The following DOCK9 variants were observed in gnomAD, a reference collection of about 807,000 sequenced individuals.
The protein encoded by DOCK9 is dedicator of cytokinesis protein 9.
A neutral mutation model predicts 263.3 loss-of-function variants in DOCK9; 89 were observed. The observed-to-expected ratio is 0.34, with a 90% CI of 0.28 to 0.40. DOCK9 has a LOEUF of 0.40. DOCK9 is among the 10% of genes least tolerant of loss of function. DOCK9 has a pLI of 1.00. For missense variants in DOCK9, 2,140 were observed against 2,603.4 expected, an observed-to-expected ratio of 0.82 and a Z score of 3.87; for synonymous variants, 976 against 973.1, an observed-to-expected ratio of 1.00 and a Z score of -0.06.
At chr13:98,926,585 C>T (rs540797284) in intron 3 of DOCK9, among the ~76,000 whole-genome samples, 129 of 152,336 alleles carry the variant, frequency 8.5e-4, no homozygotes, top group African/African-American at 2.6e-3. Context: ...AATGGGCCAG[C>T]CTGGTGTCCG....
intron 7 of DOCK9, among the ~76,000 whole-genome samples, chr13:98,917,691 G>C (rs1266523892): frequency 8.2e-6 from 1 of 122,012 alleles, no homozygotes; most frequent in South Asian, 2.6e-4. Context: ...GTGGTATTTT[G>C]TTTGTTTGCT....
At chr13:99,020,882 T>C (rs958029134) in intron 1 of DOCK9, among the ~76,000 whole-genome samples, 3 of 152,228 alleles carry the variant, frequency 2.0e-5, no homozygotes, top group African/African-American at 7.2e-5. Flanking sequence ...ACCTCATACA[T>C]GATACAGCAC....
rs147457288 is a variant in DOCK9 at position 99,066,318 on chromosome 13, T to G, written c.129+19905A>C. 3.7e-3 allele frequency among the ~76,000 whole-genome samples: 562 copies of G among 151,692 alleles called. 4 individuals are homozygous for G. Among genetic ancestry groups the G allele is most frequent in the African/African-American group, 0.013 (529 of 41,384 alleles). Reference sequence around the variant, plus strand: ...CACTAAAACCCAAGGAATGGTGCCATGCAAATTTGTGTTCTATGGAGCTTA... The same window carrying G: ...CACTAAAACCCAAGGAATGGTGCCAGGCAAATTTGTGTTCTATGGAGCTTA... On this transcript the variant is annotated intron_variant, in intron 1 of 32. Coordinates refer to the DOCK9 transcript ENST00000427887.
At chr13:99,032,901 A>G (rs1045043843) in intron 1 of DOCK9, among the ~76,000 whole-genome samples, 2 of 152,244 alleles carry the variant, frequency 1.3e-5, no homozygotes, top group Admixed American at 1.3e-4. Context: ...GTGAGGTTAC[A>G]CATTCCCATA....
chr13:98,800,545 T>C (rs2089999075), intron 49 of DOCK9, 67 bp from the exon 50 acceptor site: 2 of 1,526,566 alleles, frequency 1.3e-6, no homozygotes, highest in Admixed American at 2.0e-5. Context: ...GAGCTGATTA[T>C]TATTAGAAGT....
At chr13:99,015,314 C>A in intron 1 of DOCK9, 4 of 690,910 alleles carry the variant, frequency 5.8e-6, no homozygotes, top group Non-Finnish European at 8.5e-6. Context: ...AACTTAAGGC[C>A]ACTAATTACC....
chr13:99,079,094 T>C lies in DOCK9; in HGVS notation c.129+7129A>G, dbSNP rs1473115190. Among the ~76,000 whole-genome samples, 3 of 152,364 alleles carry C rather than the reference T, an allele frequency of 2.0e-5. No homozygotes were observed. In the East Asian group the frequency reaches 5.8e-4, roughly 29 times the overall value. Reference sequence around the variant, plus strand: ...TCATTCTTATCAAACCTACATTCCATACTGTACAGTACAGCTTATGTCCAT... The same window carrying C: ...TCATTCTTATCAAACCTACATTCCACACTGTACAGTACAGCTTATGTCCAT... On this transcript the variant is annotated intron_variant, in intron 1 of 32. Transcript: ENST00000427887.
At chr13:99,018,228 G>A (rs1350579411) in intron 1 of DOCK9, among the ~76,000 whole-genome samples, 1 of 152,210 alleles carries the variant, frequency 6.6e-6, no homozygotes, top group East Asian at 1.9e-4. Flanking sequence ...TTCCAGTAGT[G>A]ATTAGGGCAG....
upstream of DOCK9, among the ~76,000 whole-genome samples, chr13:98,979,233 A>AGTG (rs1555439543): frequency 1.6e-4 from 19 of 122,342 alleles, no homozygotes; most frequent in African/African-American, 5.7e-4. Context: ...TAGTAGTAGC[A>AGTG]GCAGCGGCGG....
chr13:98,906,729 A>G (rs551908683), intron 9 of DOCK9, among the ~76,000 whole-genome samples: 1 of 152,326 alleles, frequency 6.6e-6, no homozygotes, highest in South Asian at 2.1e-4. Flanking sequence ...CGATTGTTGT[A>G]TATAATAGGT....
At chr13:98,966,519 T>C (rs567022002) in intron 1 of DOCK9, among the ~76,000 whole-genome samples, 2 of 152,276 alleles carry the variant, frequency 1.3e-5, no homozygotes, top group Non-Finnish European at 2.9e-5. Context: ...GGCATTTTTC[T>C]TCCTTTTTTA....
intron 1 of DOCK9, among the ~76,000 whole-genome samples, chr13:99,068,876 A>G (rs2041548524): frequency 6.6e-6 from 1 of 152,218 alleles, no homozygotes; most frequent in Admixed American, 6.5e-5. Context: ...CTACTATACT[A>G]TAAATATTAT....
chr13:98,855,211 A>G (rs952381201), intron 34 of DOCK9, among the ~76,000 whole-genome samples: 3 of 152,190 alleles, frequency 2.0e-5, no homozygotes, highest in Admixed American at 1.3e-4. Flanking sequence ...TATTCTCTGG[A>G]GCTGGCTTCA....
At chr13:98,897,865 C>T (rs1266808221) in intron 14 of DOCK9, among the ~76,000 whole-genome samples, 5 of 152,178 alleles carry the variant, frequency 3.3e-5, no homozygotes. Context: ...CAAGTAGAGT[C>T]AAGAGATAAA....
chr13:98,860,291 G>A, intron 33 of DOCK9, 114 bp downstream of exon 33: 1 of 1,497,520 alleles, frequency 6.7e-7, no homozygotes, highest in Admixed American at 2.2e-5. Context: ...ACTCAGGAAA[G>A]CAACTTAGAC....
chr13:98,867,816 A>G lies in DOCK9; in HGVS notation c.3174+112T>C, dbSNP rs2094074839. On this transcript the variant is annotated intron_variant, in intron 29 of 52. Coordinates refer to ENST00000682017, the MANE Select transcript of DOCK9 (RefSeq NM_001366683.2). ...TTATAATTACAGACACAGGCTCAATACAATAAAAAAATTAGTAAGGCAGAG... is the reference window on the plus strand; with the variant it reads ...TTATAATTACAGACACAGGCTCAATGCAATAAAAAAATTAGTAAGGCAGAG... 5 of 1,044,144 alleles carry G rather than the reference A, an allele frequency of 4.8e-6. No individual in the cohort carries two copies. In the East Asian group the frequency reaches 1.3e-4, roughly 27 times the overall value. 64.7% of individuals were successfully genotyped at this position (1,044,144 alleles called of 1,614,324 possible).
intron 1 of DOCK9, among the ~76,000 whole-genome samples, chr13:99,034,969 A>T (rs1887713875): frequency 6.6e-6 from 1 of 152,178 alleles, no homozygotes; most frequent in Non-Finnish European, 1.5e-5. Flanking sequence ...CCAATCTGTC[A>T]TATTCTAACA....
intron 13 of DOCK9, among the ~76,000 whole-genome samples, chr13:98,899,878 C>T (rs2048013996): frequency 1.3e-5 from 2 of 152,068 alleles, no homozygotes; most frequent in South Asian, 2.1e-4. Context: ...CTTTTTTCCC[C>T]TTCTTTTTCT....
chr13:99,044,580 C>T lies in DOCK9; in HGVS notation c.129+41643G>A, dbSNP rs535022760. ...CACGATCGCTTCCTAGCTCTTATTT[C>T]AAAGTGATACAGACTACTCACTAAC... is the stretch of plus-strand genomic sequence containing the variant. On this transcript the variant is annotated intron_variant, in intron 1 of 32. Transcript: ENST00000427887. 7.2e-4 allele frequency among the ~76,000 whole-genome samples: 110 copies of T among 152,284 alleles called. 1 individual carries two copies. In the South Asian group the frequency reaches 0.022, roughly 30 times the overall value.
Sources: allele counts gnomAD v4.1 joint callset (sites outside exome capture counted in the v4.1 genomes callset), GRCh38; gene constraint gnomAD v4.1.1; transcripts MANE v1.5; gene names NCBI Gene and HGNC (gene_info 2026-07-23, HGNC 2026-07-21).